The following ANO2 variants were observed in gnomAD, a reference collection of about 807,000 sequenced individuals.
ANO2 encodes the protein anoctamin 2, also known as anoctamin-2.
In ANO2, 101 loss-of-function variants were observed where a neutral mutation model predicts 124.2. That is an observed-to-expected ratio of 0.81 (90% CI 0.69 to 0.96). The LOEUF (loss-of-function observed/expected upper bound fraction) is 0.96. Ranked by LOEUF, ANO2 falls within the 40% of genes least tolerant of loss-of-function variation. The pLI is 0.00. For missense variants in ANO2, 1,293 were observed against 1,274.5 expected (o/e 1.01, Z -0.22); for synonymous variants, 486 against 482.5 (o/e 1.01, Z -0.09).
intron 20 of ANO2, among the ~76,000 whole-genome samples, chr12:5,592,453 G>T (rs1943444149): frequency 6.6e-6 from 1 of 152,084 alleles, no homozygotes; most frequent in Non-Finnish European, 1.5e-5. Flanking sequence ...AGGCAAATTG[G>T]ACGTGAGAGT....
At chr12:5,784,985 A>G (rs1393096239) in intron 10 of ANO2, among the ~76,000 whole-genome samples, 2 of 152,212 alleles carry the variant, frequency 1.3e-5, no homozygotes, top group African/African-American at 4.8e-5. Flanking sequence ...TGAGCCATGG[A>G]TAGACAGGGC....
intron 7 of ANO2, among the ~76,000 whole-genome samples, chr12:5,822,041 A>G (rs1181939753): frequency 6.6e-6 from 1 of 152,148 alleles, no homozygotes; most frequent in African/African-American, 2.4e-5. Flanking sequence ...CGCAGGCACC[A>G]CCCAAAAGTG....
intron 3 of ANO2, among the ~76,000 whole-genome samples, chr12:5,918,324 A>G (rs1941495441): frequency 6.6e-6 from 1 of 152,238 alleles, no homozygotes; most frequent in Admixed American, 6.5e-5. Flanking sequence ...AGCACAGGCC[A>G]GCACCATGAG....
At chr12:5,901,332 G>T (rs1186943119) in intron 3 of ANO2, among the ~76,000 whole-genome samples, 5 of 152,184 alleles carry the variant, frequency 3.3e-5, no homozygotes, top group Non-Finnish European at 7.3e-5. Flanking sequence ...TCATGAGCTG[G>T]ATGCATGGAG....
chr12:5,601,309 AT>A (rs1387568423), intron 19 of ANO2, among the ~76,000 whole-genome samples: 1 of 152,176 alleles, frequency 6.6e-6, no homozygotes, highest in Non-Finnish European at 1.5e-5. Context: ...CAAATATATC[AT>A]TGTTCCTATT....
intron 1 of ANO2, among the ~76,000 whole-genome samples, chr12:5,934,174 A>C (rs1334927175): frequency 6.6e-6 from 1 of 152,214 alleles, no homozygotes; most frequent in East Asian, 1.9e-4. Flanking sequence ...ACCCTGAGGT[A>C]GGTACCATTG....
intron 7 of ANO2, among the ~76,000 whole-genome samples, chr12:5,825,493 G>A (rs1369484635): frequency 6.6e-6 from 1 of 152,172 alleles, no homozygotes; most frequent in Non-Finnish European, 1.5e-5. Context: ...TGTTCCCACA[G>A]CATTACGTTC....
chr12:5,830,995 A>G (rs1354847751), intron 5 of ANO2, among the ~76,000 whole-genome samples: 1 of 152,246 alleles, frequency 6.6e-6, no homozygotes, highest in Non-Finnish European at 1.5e-5. Context: ...CTGATTCTTC[A>G]AAATTTGATT....
chr12:5,669,880 G>A (rs1279401561), intron 14 of ANO2, among the ~76,000 whole-genome samples: 1 of 152,196 alleles, frequency 6.6e-6, no homozygotes, highest in African/African-American at 2.4e-5. Flanking sequence ...GACAATCAGA[G>A]AAGAAAGTAA....
Position 5,821,712 on chromosome 12 carries a change from T to C in ANO2, c.892+6057A>G, listed in dbSNP as rs968877819. 2.0e-5 allele frequency among the ~76,000 whole-genome samples: 3 copies of C among 152,226 alleles called. No homozygotes were observed. The South Asian group carries it at 6.2e-4, about 32-fold the overall frequency. On this transcript the variant is annotated intron_variant, in intron 7 of 24. Coordinates refer to ENST00000682330, the MANE Select transcript of ANO2 (RefSeq NM_001364791.2). ...TTGATGGAAACTGAACGTTTGACTATGGGTCATAAAGTCACCATGGCACCT... is the reference window on the plus strand; with the variant it reads ...TTGATGGAAACTGAACGTTTGACTACGGGTCATAAAGTCACCATGGCACCT...
intron 7 of ANO2, among the ~76,000 whole-genome samples, chr12:5,823,793 T>C (rs1953877232): frequency 1.3e-5 from 2 of 152,240 alleles, no homozygotes; most frequent in Non-Finnish European, 2.9e-5. Context: ...AGGTTCTCCA[T>C]GAGGGCCCCA....
chr12:5,920,358 G>C (rs1031933914), intron 3 of ANO2, among the ~76,000 whole-genome samples: 1 of 152,134 alleles, frequency 6.6e-6, no homozygotes. Context: ...AAGGAAACTA[G>C]GTCTTCCTCC....
intron 14 of ANO2, among the ~76,000 whole-genome samples, chr12:5,682,451 A>C (rs995511): frequency 0.37 from 56,526 of 151,724 alleles, 12,256 homozygotes; most frequent in East Asian, 0.59. Flanking sequence ...AGTGGTGACA[A>C]TGGGGCTGGA....
chr12:5,649,790 ATGTG>A (rs5796179), intron 14 of ANO2, among the ~76,000 whole-genome samples: 41,254 of 149,134 alleles, frequency 0.28, 6,991 homozygotes, highest in African/African-American at 0.48. Flanking sequence ...GCATGTGTGC[ATGTG>A]TGTGTGTGTG....
chr12:5,845,659 A>G (rs1031025599), intron 4 of ANO2, among the ~76,000 whole-genome samples: 18 of 152,262 alleles, frequency 1.2e-4, no homozygotes, highest in Middle Eastern at 3.4e-3. Context: ...CACACTATCC[A>G]CTACCTCAAG....
intron 14 of ANO2, among the ~76,000 whole-genome samples, chr12:5,686,993 A>G (rs978095804): frequency 6.6e-6 from 1 of 152,244 alleles, no homozygotes; most frequent in African/African-American, 2.4e-5. Context: ...GTGCATGCAC[A>G]TGCCCTTATC....
chr12:5,696,130 G>A (rs1314851798), intron 14 of ANO2, among the ~76,000 whole-genome samples: 1 of 151,974 alleles, frequency 6.6e-6, no homozygotes, highest in Non-Finnish European at 1.5e-5. Context: ...AAAGAAAAAG[G>A]AAGGACATAA....
chr12:5,879,227 T>C (rs1170676957), intron 3 of ANO2, among the ~76,000 whole-genome samples: 2 of 151,204 alleles, frequency 1.3e-5, no homozygotes, highest in African/African-American at 2.4e-5. Context: ...AAATCATCAA[T>C]AATCAGCAGA....
chr12:5,818,737 T>C (rs928169216), intron 7 of ANO2, among the ~76,000 whole-genome samples: 2 of 151,988 alleles, frequency 1.3e-5, no homozygotes, highest in Non-Finnish European at 2.9e-5. Flanking sequence ...TAGAGAGTTA[T>C]GCAAAATAAA....
Sources: allele counts gnomAD v4.1 joint callset (sites outside exome capture counted in the v4.1 genomes callset), GRCh38; gene constraint gnomAD v4.1.1; transcripts MANE v1.5; gene names NCBI Gene and HGNC (gene_info 2026-07-23, HGNC 2026-07-21).